SP4: variants seen among roughly 807,000 people sequenced by gnomAD.
The protein encoded by SP4 is Sp4 transcription factor.
A neutral mutation model predicts 72.8 loss-of-function variants in SP4; 19 were observed. That is an observed-to-expected ratio of 0.26 (90% CI 0.18 to 0.38). The LOEUF (loss-of-function observed/expected upper bound fraction) is 0.38. Ranked by LOEUF, SP4 falls within the 10% of genes least tolerant of loss-of-function variation. SP4 has a pLI of 1.00. For missense variants in SP4, 1,008 were observed against 926.3 expected (o/e 1.09, Z -1.14); for synonymous variants, 395 against 333.1 (o/e 1.19, Z -2.02).
chr7:21,499,170 G>T (rs1781801971), intron 5 of SP4, among the ~76,000 whole-genome samples: 1 of 152,010 alleles, frequency 6.6e-6, no homozygotes, highest in Admixed American at 6.6e-5. Context: ...TTTCATAAAG[G>T]TCTTCATCTT....
Position 21,429,306 on chromosome 7 carries a change from T to C in SP4, c.141T>C (p.Pro47=). The C allele has an allele frequency of 6.4e-7, 1 of 1,574,194 alleles. No individual in the cohort carries two copies. Among genetic ancestry groups the C allele is most frequent in the Non-Finnish European group, 8.7e-7 (1 of 1,155,376 alleles). ...TSGSQDSQPS[P]LALLAATCSK... is the part of the protein sequence containing the mutation. ...TTGGGTAGGACTCTCAGCCCTCTCC[T>C]CTGGCTTTACTGGCAGCTACTTGCA... The change falls in exon 3 of 6, where the codon CCT becomes CCC. Residue 47 remains proline (P), a synonymous_variant. Transcript: ENST00000222584.
At chr7:21,491,376 GGAA>G (rs1299800459) in intron 5 of SP4, among the ~76,000 whole-genome samples, 1 of 150,908 alleles carries the variant, frequency 6.6e-6, no homozygotes, top group Non-Finnish European at 1.5e-5. Flanking sequence ...AGAATTGAAA[GGAA>G]GAAGATTGGG....
chr7:21,455,163 C>A (rs1004878489), intron 3 of SP4, among the ~76,000 whole-genome samples: 1 of 152,080 alleles, frequency 6.6e-6, no homozygotes, highest in African/African-American at 2.4e-5. Flanking sequence ...ATGTCCTGTT[C>A]CAGTGGCTGA....
intron 3 of SP4, among the ~76,000 whole-genome samples, chr7:21,443,503 T>C (rs781385547): frequency 6.6e-5 from 10 of 152,140 alleles, no homozygotes; most frequent in Admixed American, 2.0e-4. Flanking sequence ...GATATTATTA[T>C]GTAGATGCCT....
intron 3 of SP4, among the ~76,000 whole-genome samples, chr7:21,473,004 A>G (rs1251552967): frequency 6.6e-6 from 1 of 152,212 alleles, no homozygotes; most frequent in Non-Finnish European, 1.5e-5. Context: ...CTTGTGGTAG[A>G]GTGCTTTGAA....
chr7:21,435,826 A>G (rs1783033784), intron 3 of SP4, among the ~76,000 whole-genome samples: 3 of 151,392 alleles, frequency 2.0e-5, no homozygotes, highest in African/African-American at 4.9e-5. Context: ...AAGTAGAGCC[A>G]CATTAATTTT....
chr7:21,503,480 G>A (rs1325202648), intron 5 of SP4, among the ~76,000 whole-genome samples: 2 of 152,180 alleles, frequency 1.3e-5, no homozygotes, highest in Non-Finnish European at 2.9e-5. Context: ...CAGAGGAAGG[G>A]AGATGCCAAG....
In SP4 at chr7:21,474,695, G is replaced by A. The variant is rs1225698270; in HGVS notation, c.1679-2384G>A. On this transcript the variant is annotated intron_variant, in intron 3 of 5. Coordinates refer to ENST00000222584, the MANE Select transcript of SP4 (RefSeq NM_003112.5). ...GTAGATAGGGAGCAGAAATTTTATG[G>A]AAGTCAGTGTTACTATTTTAGAGTT... 2.0e-5 allele frequency among the ~76,000 whole-genome samples: 3 copies of A among 152,294 alleles called. No individual in the cohort carries two copies. The East Asian group carries it at 5.8e-4, about 29-fold the overall frequency.
At chr7:21,429,251 TCCCC>T in intron 2 of SP4, 34 bp from the exon 3 acceptor site, 2 of 1,026,086 alleles carry the variant, frequency 1.9e-6, no homozygotes, top group Non-Finnish European at 2.9e-6. Context: ...CCACTTTTTT[TCCCC>T]CCCCCCTCTC....
intron 3 of SP4, among the ~76,000 whole-genome samples, chr7:21,462,786 TAGAA>T (rs143941557): frequency 0.031 from 4,731 of 152,132 alleles, 245 homozygotes; most frequent in African/African-American, 0.11. Context: ...ATCAGAGAAA[TAGAA>T]AGAGAACAGG....
chr7:21,428,262 C>G lies in SP4; in HGVS notation c.7+4C>G, dbSNP rs1782686344. On this transcript the variant is annotated splice_donor_region_variant and intron_variant, in intron 1 of 5. Coordinates refer to ENST00000222584, the MANE Select transcript of SP4 (RefSeq NM_003112.5). The stretch of plus-strand genomic sequence containing the variant: ...TCCTGTTAATGCGGGATGAGCGGTA[C>G]GTATTCTCCACCCCCCTCAGTCTCC... 7.2e-7 allele frequency: 1 copy of G among 1,396,478 alleles called. No homozygotes were observed. Among genetic ancestry groups the G allele is most frequent in the Non-Finnish European group, 9.6e-7 (1 of 1,041,628 alleles). The allele number at this position is 1,396,478 out of a possible 1,614,324, so 86.5% of individuals were successfully genotyped here.
rs760580407 is a variant in SP4, at chr7:21,428,741, A to G, written c.72A>G (p.Lys24=). The G allele has an allele frequency of 1.3e-6, 2 of 1,553,726 alleles. No individual in the cohort carries two copies. Among genetic ancestry groups the G allele is most frequent in the Admixed American group, 2.0e-5 (1 of 51,212 alleles). Residue 24 remains lysine (K), a synonymous_variant, in exon 2 of 6, where the codon AAA becomes AAG. Transcript: ENST00000222584. Reference sequence around the variant, plus strand: ...CGGCGATGGCTACAGAAGGAGGGAAAACCTCTGAGCCAGAGAATAACAATA... The same window carrying G: ...CGGCGATGGCTACAGAAGGAGGGAAGACCTCTGAGCCAGAGAATAACAATA... ...AAAAMATEGG[K]TSEPENNNKK...
At chr7:21,500,236 T>G (rs1781830384) in intron 5 of SP4, among the ~76,000 whole-genome samples, 1 of 152,210 alleles carries the variant, frequency 6.6e-6, no homozygotes, top group Admixed American at 6.5e-5. Flanking sequence ...TTGACGTACT[T>G]TGGATATTTG....
At chr7:21,438,814 A>ACTGTCAC (rs2128393313) in intron 3 of SP4, among the ~76,000 whole-genome samples, 1 of 152,342 alleles carries the variant, frequency 6.6e-6, no homozygotes, top group African/African-American at 2.4e-5. Flanking sequence ...CCCTCTGTAT[A>ACTGTCAC]TGCTAACAAG....
At chr7:21,506,054 A>T (rs990608355) in intron 5 of SP4, among the ~76,000 whole-genome samples, 1 of 152,034 alleles carries the variant, frequency 6.6e-6, no homozygotes, top group Non-Finnish European at 1.5e-5. Context: ...CCTAAACCCA[A>T]TCTCACAATC....
intron 3 of SP4, among the ~76,000 whole-genome samples, chr7:21,456,690 T>C (rs1783774055): frequency 6.6e-6 from 1 of 152,236 alleles, no homozygotes. Context: ...GTGTGAGTTT[T>C]TGGGAAAGAG....
At chr7:21,463,136 T>C (rs1784049066) in intron 3 of SP4, among the ~76,000 whole-genome samples, 1 of 151,762 alleles carries the variant, frequency 6.6e-6, no homozygotes, top group Non-Finnish European at 1.5e-5. Context: ...TAAAATGAGA[T>C]TTTAAAAAGG....
In SP4 at chr7:21,428,111, AAG is replaced by A. The variant is rs1782674799; in HGVS notation, c.-138_-137del. 1 of 691,818 alleles carries A rather than the reference AAG, an allele frequency of 1.4e-6. No homozygotes were observed. Among genetic ancestry groups the A allele is most frequent in the Non-Finnish European group, 2.7e-6 (1 of 370,642 alleles). The allele number at this position is 691,818 out of a possible 1,614,324, so 42.9% of individuals were successfully genotyped here. A position where few individuals can be genotyped will look rare whatever the true frequency, so the allele number is the denominator to read the frequency against. The stretch of plus-strand genomic sequence containing the variant: ...GCCCAGCGGCGGCCATTCGCGGAAA[AAG>A]AGGCAGAGCCTGTGCCAGCTACAGC... On this transcript the variant is annotated 5_prime_UTR_variant, in exon 1 of 6. Coordinates refer to ENST00000222584, the MANE Select transcript of SP4 (RefSeq NM_003112.5).
chr7:21,449,534 T>C (rs1005935211), intron 3 of SP4, among the ~76,000 whole-genome samples: 1 of 152,226 alleles, frequency 6.6e-6, no homozygotes, highest in Non-Finnish European at 1.5e-5. Flanking sequence ...GAAATACATA[T>C]GCGTGTATAG....
Sources: gnomAD v4.1 joint callset for allele counts (sites outside exome capture counted in the v4.1 genomes callset) on GRCh38, gnomAD v4.1.1 for gene constraint, MANE v1.5 for transcripts, NCBI Gene and HGNC (gene_info 2026-07-23, HGNC 2026-07-21) for gene names.